Variants in DARS1 observed in about 807,000 individuals in gnomAD.
The protein encoded by DARS1 is aspartate--tRNA ligase, cytoplasmic.
A neutral mutation model predicts 68.8 loss-of-function variants in DARS1; 51 were observed. That is an observed-to-expected ratio of 0.74 (90% CI 0.59 to 0.94). The LOEUF (loss-of-function observed/expected upper bound fraction) is 0.94, where lower values mean the gene tolerates loss of function less well. DARS1 is among the 40% of genes least tolerant of loss of function. DARS1 has a pLI of 0.00. For missense variants in DARS1, 607 were observed against 597.3 expected, an observed-to-expected ratio of 1.02 and a Z score of -0.17; for synonymous variants, 203 against 190.4, an observed-to-expected ratio of 1.07 and a Z score of -0.55.
In DARS1 at chr2:135,933,923, G is replaced by A; in HGVS notation, c.491C>T (p.Ala164Val). The A allele has an allele frequency of 6.2e-7, 1 of 1,613,110 alleles. No individual in the cohort carries two copies. The highest frequency in any genetic ancestry group is 1.1e-5 in the South Asian group (1 of 91,012). The change falls in exon 6 of 16, where the codon GCA becomes GTA. Residue 164 changes from alanine (A) to valine (V), a missense_variant. By Grantham distance (64) the Ala-to-Val change is moderately conservative. Transcript: ENST00000264161. ...TATAATTTTTACCTCTTCTCCTTCT[G>A]CCTCAGGCCGAACAGCATCATCCAG... ...LQLDDAVRPE[A>V]EGEEEGRATV...
rs111533002 is a variant in DARS1 at position 135,963,374 on chromosome 2, C to CT, written c.218-1877dup. On this transcript the variant is annotated intron_variant, in intron 3 of 15. Transcript: ENST00000264161. ...CCCAATTAATGTTAACTATTAATGA[C>CT]TTTTTTTTTTTTTTGAGATGGAGTT... Among the ~76,000 whole-genome samples the CT allele has an allele frequency of 5.9e-3, 850 of 143,678 alleles. 9 individuals carry two copies. The highest frequency in any genetic ancestry group is 0.035 in the Admixed American group (497 of 14,316). The allele number at this position is 143,678 out of a possible 152,430, so 94.3% of individuals were successfully genotyped here.
chr2:135,924,211 T>C (rs1206694844), intron 8 of DARS1, among the ~76,000 whole-genome samples, 176 bp downstream of exon 8: 2 of 152,198 alleles, frequency 1.3e-5, no homozygotes, highest in East Asian at 3.8e-4. Context: ...ATGTACTTAT[T>C]AAGGTTGGTG....
chr2:135,930,573 C>T (rs2104808304), intron 7 of DARS1, among the ~76,000 whole-genome samples: 1 of 152,220 alleles, frequency 6.6e-6, no homozygotes, highest in South Asian at 2.1e-4. Flanking sequence ...TGAAGATGAC[C>T]AATACATATT....
rs201907095 is a variant in DARS1, at chr2:135,947,409, GA to G, written c.321-3930del. 0.018 allele frequency among the ~76,000 whole-genome samples: 1,250 copies of G among 67,580 alleles called. 87 individuals are homozygous for G. In the East Asian group the frequency reaches 0.27, roughly 15 times the overall value. 44.3% of individuals were successfully genotyped at this position (67,580 alleles called of 152,430 possible). A position where few individuals can be genotyped will look rare whatever the true frequency, so the allele number is the denominator to read the frequency against. On this transcript the variant is annotated intron_variant, in intron 4 of 15. Coordinates refer to ENST00000264161, the MANE Select transcript of DARS1 (RefSeq NM_001349.4). ...GGTGACAGAACGAGACTCCATCTCAGAAAAAAAAAAAAAAGAAAGAAAGAAA... is the reference window on the plus strand; with the variant it reads ...GGTGACAGAACGAGACTCCATCTCAGAAAAAAAAAAAAAGAAAGAAAGAAA...
intron 4 of DARS1, 119 bp downstream of exon 4, chr2:135,961,276 AT>A: frequency 1.5e-6 from 1 of 648,032 alleles, no homozygotes; most frequent in Non-Finnish European, 2.8e-6. Flanking sequence ...GACAATTTAA[AT>A]AACTACATTT....
chr2:135,962,093 TTA>T (rs1361492691), intron 3 of DARS1, among the ~76,000 whole-genome samples: 1 of 152,210 alleles, frequency 6.6e-6, no homozygotes, highest in Non-Finnish European at 1.5e-5. Flanking sequence ...CCTTCATATT[TTA>T]TGAGTCTCGC....
chr2:135,950,509 A>T (rs1681818180), intron 4 of DARS1, among the ~76,000 whole-genome samples: 1 of 152,208 alleles, frequency 6.6e-6, no homozygotes, highest in South Asian at 2.1e-4. Flanking sequence ...GTTTCTAAGT[A>T]AAGATTTTTG....
chr2:135,941,820 AC>A (rs1274901684), intron 5 of DARS1, among the ~76,000 whole-genome samples: 2 of 152,224 alleles, frequency 1.3e-5, no homozygotes, highest in Non-Finnish European at 2.9e-5. Flanking sequence ...CAAGAAAAAA[AC>A]AACCCCATCA....
At chr2:135,921,849 C>T (rs1423439142) in intron 9 of DARS1, among the ~76,000 whole-genome samples, 2 of 152,110 alleles carry the variant, frequency 1.3e-5, no homozygotes, top group Non-Finnish European at 2.9e-5. Flanking sequence ...CTTTTATGTA[C>T]ATGGTACCTA....
At chr2:135,940,543 A>G (rs1041298645) in intron 5 of DARS1, among the ~76,000 whole-genome samples, 5 of 152,204 alleles carry the variant, frequency 3.3e-5, no homozygotes, top group Non-Finnish European at 7.3e-5. Context: ...ACAAACCCAC[A>G]GCCAATATCA....
chr2:135,961,550 T>C, intron 3 of DARS1, 52 bp from the exon 4 acceptor site: 1 of 944,012 alleles, frequency 1.1e-6, no homozygotes, highest in South Asian at 1.3e-5. Context: ...AACTTCAGGT[T>C]TTACAAAGAA....
At chr2:135,946,233 G>A (rs929949774) in intron 4 of DARS1, among the ~76,000 whole-genome samples, 5 of 152,102 alleles carry the variant, frequency 3.3e-5, no homozygotes, top group African/African-American at 1.2e-4. Context: ...AACTGACATT[G>A]TATATGAAGA....
chr2:135,943,240 A>G (rs1681646177), intron 5 of DARS1, 138 bp downstream of exon 5: 1 of 1,247,388 alleles, frequency 8.0e-7, no homozygotes, highest in Admixed American at 2.9e-5. Context: ...GTTATATAAC[A>G]AAAGCTAATT....
intron 4 of DARS1, among the ~76,000 whole-genome samples, chr2:135,955,773 G>C (rs1010040990): frequency 7.9e-6 from 1 of 127,330 alleles, no homozygotes; most frequent in African/African-American, 3.0e-5. Context: ...TGCAACCTTC[G>C]CCTCCCAGGT....
intron 4 of DARS1, among the ~76,000 whole-genome samples, chr2:135,958,908 C>T (rs766008844): frequency 1.5e-4 from 23 of 151,922 alleles, no homozygotes; most frequent in Non-Finnish European, 2.4e-4. Context: ...CCTTTTCCTA[C>T]ACATTGCTAC....
At position 135,985,452 on chromosome 2, in the gene DARS1, G is replaced by A. The variant is rs1471793957; in HGVS notation, c.17C>T (p.Ala6Val). 2 of 1,613,832 alleles carry A rather than the reference G, an allele frequency of 1.2e-6. No individual in the cohort carries two copies. The highest frequency in any genetic ancestry group is 2.2e-5 in the East Asian group (1 of 44,884). ...CGGCTTCTCCTGACTCTTGCGGCTG[G>A]CGCTGGCGCTGGGCATCGGGACACG... MPSAS[A>V]SRKSQEKPRE... Residue 6 changes from alanine (A) to valine (V), a missense_variant, in exon 1 of 16, where the codon GCC (alanine) becomes GTC (valine). Transcript: ENST00000264161.
chr2:135,984,625 C>G (rs1421891588), intron 1 of DARS1, among the ~76,000 whole-genome samples: 1 of 152,206 alleles, frequency 6.6e-6, no homozygotes, highest in Non-Finnish European at 1.5e-5. Flanking sequence ...ATTTCAGTGA[C>G]TCTTCCTCAT....
At chr2:135,979,230 C>T (rs765378514) in intron 3 of DARS1, 44 bp downstream of exon 3, 12 of 867,326 alleles carry the variant, frequency 1.4e-5, no homozygotes, top group African/African-American at 1.2e-4. Context: ...ACAAAAAATT[C>T]GGAGTCCTTA....
chr2:135,907,242 C>CTTTTTTTTTTTTTTTTTTTTTTTTTTTTT lies in DARS1; in HGVS notation c.*73_*74insAAAAAAAAAAAAAAAAAAAAAAAAAAAAA, dbSNP rs992435404. ...TACTGAAAAGAATAAGTGTGGCTTT[C>CTTTTTTTTTTTTTTTTTTTTTTTTTTTTT]TTTTTTTTTTTTTTTTTTTGAGGCA... On this transcript the variant is annotated 3_prime_UTR_variant, in exon 16 of 16. Transcript: ENST00000264161. The CTTTTTTTTTTTTTTTTTTTTTTTTTTTTT allele has an allele frequency of 8.8e-6, 4 of 453,720 alleles. No individual in the cohort carries two copies. Among genetic ancestry groups the CTTTTTTTTTTTTTTTTTTTTTTTTTTTTT allele is most frequent in the African/African-American group, 8.5e-5 (3 of 35,354 alleles). The allele number at this position is 453,720 out of a possible 1,614,324, so 28.1% of individuals were successfully genotyped here.
Sources: gnomAD v4.1 joint callset for allele counts (sites outside exome capture counted in the v4.1 genomes callset) on GRCh38, gnomAD v4.1.1 for gene constraint, MANE v1.5 for transcripts, NCBI Gene and HGNC (gene_info 2026-07-23, HGNC 2026-07-21) for gene names.